CYP19A1: variants seen among roughly 807,000 people sequenced by gnomAD.
CYP19A1 encodes aromatase.
Under a neutral mutation model 44.4 loss-of-function variants are expected in CYP19A1, and 32 were observed. The ratio of observed to expected loss-of-function variants is 0.72; its 90% CI spans 0.54 to 0.97. The LOEUF is 0.97. CYP19A1 is among the 50% of genes least tolerant of loss of function. The pLI is 0.00. For missense variants in CYP19A1, 598 were observed against 637.8 expected, an observed-to-expected ratio of 0.94 and a Z score of 0.67; for synonymous variants, 212 against 215.6, an observed-to-expected ratio of 0.98 and a Z score of 0.14.
At chr15:51,246,816 A>G (rs2034078087) in intron 1 of CYP19A1, among the ~76,000 whole-genome samples, 1 of 152,152 alleles carries the variant, frequency 6.6e-6, no homozygotes, top group African/African-American at 2.4e-5. Flanking sequence ...AAACAGACCC[A>G]GCCACCCTGG....
At chr15:51,337,443 T>G (rs2036794839) in intron 1 of CYP19A1, among the ~76,000 whole-genome samples, 1 of 152,224 alleles carries the variant, frequency 6.6e-6, no homozygotes, top group Non-Finnish European at 1.5e-5. Context: ...TTCACAACCC[T>G]ATGAAATAGA....
At chr15:51,266,484 T>C (rs551276948) in intron 1 of CYP19A1, among the ~76,000 whole-genome samples, 15 of 152,248 alleles carry the variant, frequency 9.9e-5, no homozygotes, top group Non-Finnish European at 2.1e-4. Context: ...CCTCCTCATC[T>C]AGACGAAGGT....
intron 1 of CYP19A1, among the ~76,000 whole-genome samples, chr15:51,332,376 C>T (rs745472308): frequency 6.6e-6 from 1 of 152,180 alleles, no homozygotes; most frequent in African/African-American, 2.4e-5. Flanking sequence ...AATGTGAGAC[C>T]TGTGGAAACT....
intron 1 of CYP19A1, among the ~76,000 whole-genome samples, chr15:51,274,606 C>G (rs999502232): frequency 2.6e-5 from 4 of 152,140 alleles, no homozygotes; most frequent in Admixed American, 6.5e-5. Flanking sequence ...TGTTTCTAGC[C>G]AAAAGACTTG....
At chr15:51,215,654 C>T in intron 7 of CYP19A1, 49 bp downstream of exon 7, 3 of 1,613,648 alleles carry the variant, frequency 1.9e-6, no homozygotes, top group Non-Finnish European at 1.7e-6. Flanking sequence ...CACCTCTACA[C>T]AGTCATAACA....
chr15:51,219,227 C>T (rs2031858470), intron 5 of CYP19A1, among the ~76,000 whole-genome samples: 1 of 152,190 alleles, frequency 6.6e-6, no homozygotes, highest in South Asian at 2.1e-4. Context: ...TATTTATATT[C>T]AGTCCAGAGT....
At chr15:51,260,830 C>T (rs577651976) in intron 1 of CYP19A1, among the ~76,000 whole-genome samples, 2 of 152,326 alleles carry the variant, frequency 1.3e-5, no homozygotes, top group East Asian at 3.9e-4. Context: ...AAACCCCAGG[C>T]ATTCGAGCCA....
chr15:51,273,654 G>T (rs1000345576), intron 1 of CYP19A1, among the ~76,000 whole-genome samples: 1 of 152,042 alleles, frequency 6.6e-6, no homozygotes, highest in Non-Finnish European at 1.5e-5. Flanking sequence ...CCTCACCTCC[G>T]AGAAGTCCAA....
chr15:51,285,602 C>A (rs2035671345), intron 1 of CYP19A1, among the ~76,000 whole-genome samples: 1 of 152,216 alleles, frequency 6.6e-6, no homozygotes, highest in Admixed American at 6.5e-5. Flanking sequence ...TCTAGACTTG[C>A]TGGCTCCTTG....
At chr15:51,226,914 C>G (rs1009786007) in intron 4 of CYP19A1, among the ~76,000 whole-genome samples, 8 of 152,074 alleles carry the variant, frequency 5.3e-5, no homozygotes, top group African/African-American at 2.4e-5. Flanking sequence ...AAATCAGAGG[C>G]TAGATGACAG....
intron 1 of CYP19A1, among the ~76,000 whole-genome samples, chr15:51,290,663 C>T (rs2035821821): frequency 2.0e-5 from 3 of 152,146 alleles, no homozygotes; most frequent in Non-Finnish European, 2.9e-5. Context: ...ATGCCTAAAG[C>T]CAGGGAAGAG....
At chr15:51,214,938 G>A in intron 8 of CYP19A1, 132 bp downstream of exon 8, 1 of 1,388,612 alleles carries the variant, frequency 7.2e-7, no homozygotes. Flanking sequence ...AAATGTGACA[G>A]AATGTCTTGC....
chr15:51,277,631 A>G (rs2035360806), intron 1 of CYP19A1, among the ~76,000 whole-genome samples: 1 of 152,160 alleles, frequency 6.6e-6, no homozygotes, highest in South Asian at 2.1e-4. Flanking sequence ...AAATACGCGT[A>G]TTTCCCTAAT....
In CYP19A1 at chr15:51,290,432, A is replaced by G. The variant is rs28403244; in HGVS notation, c.-38-47482T>C. Among the ~76,000 whole-genome samples, 1,254 of 152,338 alleles carry G rather than the reference A, an allele frequency of 8.2e-3. 16 individuals are homozygous for G. Among genetic ancestry groups the G allele is most frequent in the African/African-American group, 0.029 (1,194 of 41,558 alleles). ...AGCCCTTTTTTATTCCTAAGTCTTC[A>G]GAAGAGTGAAAAAGGTCTTCCATGA... On this transcript the variant is annotated intron_variant, in intron 1 of 9. Coordinates refer to ENST00000396402, the MANE Select transcript of CYP19A1 (RefSeq NM_000103.4).
rs146849606 is a variant in CYP19A1, at chr15:51,284,953, A to G, written c.-38-42003T>C. On this transcript the variant is annotated intron_variant, in intron 1 of 9. Transcript: ENST00000396402. ...CAAATTGAAGGTTTGAGAAGCCTCC[A>G]TTTGCTTTCTCTGTGCCTTCTATTA... Among the ~76,000 whole-genome samples the G allele has an allele frequency of 5.5e-3, 831 of 152,240 alleles. 10 individuals carry two copies. The highest frequency in any genetic ancestry group is 0.019 in the African/African-American group (800 of 41,544).
chr15:51,212,611 G>A, intron 8 of CYP19A1, 50 bp from the exon 9 acceptor site: 1 of 1,241,130 alleles, frequency 8.1e-7, no homozygotes, highest in Admixed American at 1.7e-5. Context: ...GTTTCCATCT[G>A]TGATTGGTAT....
intron 1 of CYP19A1, among the ~76,000 whole-genome samples, chr15:51,267,411 G>A (rs188351318): frequency 6.6e-6 from 1 of 152,322 alleles, no homozygotes; most frequent in African/African-American, 2.4e-5. Context: ...TCTCGGCAGG[G>A]TTTATTTGCT....
chr15:51,309,509 C>T (rs561386405), intron 1 of CYP19A1, among the ~76,000 whole-genome samples: 1 of 152,258 alleles, frequency 6.6e-6, no homozygotes, highest in Admixed American at 6.5e-5. Flanking sequence ...GAACACTCTC[C>T]ATTGTCTTCA....
intron 1 of CYP19A1, among the ~76,000 whole-genome samples, chr15:51,283,470 TCAAG>T (rs1231636221): frequency 6.6e-6 from 1 of 152,166 alleles, no homozygotes; most frequent in Non-Finnish European, 1.5e-5. Context: ...GGGAAGGAAT[TCAAG>T]CAAGCCATTA....
Sources: allele counts gnomAD v4.1 joint callset (sites outside exome capture counted in the v4.1 genomes callset), GRCh38; gene constraint gnomAD v4.1.1; transcripts MANE v1.5; gene names NCBI Gene and HGNC (gene_info 2026-07-23, HGNC 2026-07-21).